The following IL17F variants were observed in gnomAD, a reference collection of about 807,000 sequenced individuals.
IL17F encodes the protein interleukin 17F, also known as interleukin-17F.
In IL17F, 6 loss-of-function variants were observed where a neutral mutation model predicts 8.3. The ratio of observed to expected loss-of-function variants is 0.73; its 90% confidence interval spans 0.40 to 1.43. The LOEUF (loss-of-function observed/expected upper bound fraction) is 1.43. IL17F is among the 40% of genes most tolerant of loss of function. The probability of loss-of-function intolerance (pLI) is 0.02; values close to 1 mark genes in which losing one functional copy is unlikely to be tolerated. For missense variants in IL17F, 204 were observed against 209.6 expected, an observed-to-expected ratio of 0.97 and a Z score of 0.17; for synonymous variants, 98 against 81.6, an observed-to-expected ratio of 1.20 and a Z score of -1.08.
rs530923290 is a variant in IL17F at position 52,239,171 on chromosome 6, C to G, written c.34-221G>C. ...AGCCTAGCTAGTAACTGAAGCCCTC[C>G]ATAGTCTAAAAGCTCCCAAACAGTG... On this transcript the variant is annotated intron_variant, in intron 1 of 2. Coordinates refer to ENST00000336123, the MANE Select transcript of IL17F (RefSeq NM_052872.4). 26 of 555,988 alleles carry G rather than the reference C, an allele frequency of 4.7e-5. No homozygotes were observed. The African/African-American group carries it at 4.7e-4, about 10-fold the overall frequency. 34.4% of individuals were successfully genotyped at this position (555,988 alleles called of 1,614,324 possible). A position where few individuals can be genotyped will look rare whatever the true frequency, so the allele number is the denominator to read the frequency against.
Position 52,236,911 on chromosome 6 carries a change from G to A in IL17F, c.*20C>T, listed in dbSNP as rs1205060112. 15 of 1,589,890 alleles carry A rather than the reference G, an allele frequency of 9.4e-6. No homozygotes were observed. The highest frequency in any genetic ancestry group is 4.5e-5 in the East Asian group (2 of 44,766). On this transcript the variant is annotated 3_prime_UTR_variant, in exon 3 of 3. Coordinates refer to ENST00000336123, the MANE Select transcript of IL17F (RefSeq NM_052872.4). ...GAGTGGCATTTCTACAGCTTCTTCA[G>A]CTGAGTGGATATGCACCTCTTACTG...
At chr6:52,241,498 C>G (rs1162711902) in intron 1 of IL17F, among the ~76,000 whole-genome samples, 1 of 152,150 alleles carries the variant, frequency 6.6e-6, no homozygotes, top group Non-Finnish European at 1.5e-5. Flanking sequence ...TTTTCTCTTT[C>G]CTCTTCTGTG....
At chr6:52,239,504 C>A (rs1355470097) in intron 1 of IL17F, among the ~76,000 whole-genome samples, 1 of 152,182 alleles carries the variant, frequency 6.6e-6, no homozygotes, top group East Asian at 1.9e-4. Context: ...CAAAATCCTA[C>A]CCTTCCATTA....
intron 1 of IL17F, among the ~76,000 whole-genome samples, chr6:52,243,350 C>G (rs559561152): frequency 1.3e-5 from 2 of 152,160 alleles, no homozygotes; most frequent in Non-Finnish European, 2.9e-5. Context: ...GATTCCAGAC[C>G]TGCTGGGGCT....
At chr6:52,240,879 T>C (rs1764062529) in intron 1 of IL17F, among the ~76,000 whole-genome samples, 1 of 135,478 alleles carries the variant, frequency 7.4e-6, no homozygotes, top group African/African-American at 3.3e-5. Context: ...GATGACTCTG[T>C]TTCCTCAAAA....
chr6:52,244,205 T>G (rs575935920), intron 1 of IL17F, among the ~76,000 whole-genome samples, 192 bp downstream of exon 1: 153 of 152,322 alleles, frequency 1.0e-3, no homozygotes, highest in African/African-American at 3.6e-3. Context: ...AGGAGCTGCA[T>G]TTTTATGCCA....
In IL17F at chr6:52,244,085, G is replaced by A. The variant is rs372998822; in HGVS notation, c.33+312C>T. 9.2e-5 allele frequency among the ~76,000 whole-genome samples: 14 copies of A among 151,974 alleles called. No individual in the cohort carries two copies. The East Asian group carries it at 1.6e-3, about 17-fold the overall frequency. Reference sequence around the variant, plus strand: ...AATTTCTGTATTTTTAGTAGAGACCGGGTTTCGCTATGTTGGTCAGGCTGG... The same window carrying A: ...AATTTCTGTATTTTTAGTAGAGACCAGGTTTCGCTATGTTGGTCAGGCTGG... On this transcript the variant is annotated intron_variant, in intron 1 of 2. Transcript: ENST00000336123.
At chr6:52,239,208 T>C (rs1764025671) in intron 1 of IL17F, 1 of 484,620 alleles carries the variant, frequency 2.1e-6, no homozygotes, top group South Asian at 2.2e-5. Context: ...GACAGAAAGA[T>C]GCAAGGGTCT....
At chr6:52,242,702 A>G (rs1387648090) in intron 1 of IL17F, among the ~76,000 whole-genome samples, 2 of 152,242 alleles carry the variant, frequency 1.3e-5, no homozygotes, top group Non-Finnish European at 2.9e-5. Flanking sequence ...AAATAGCTTA[A>G]TTGAGCTTTT....
intron 1 of IL17F, among the ~76,000 whole-genome samples, chr6:52,243,159 C>T (rs777956783): frequency 6.6e-6 from 1 of 152,136 alleles, no homozygotes; most frequent in Non-Finnish European, 1.5e-5. Flanking sequence ...ATAAAACATA[C>T]CATTGCTATA....
At chr6:52,239,933 C>T (rs1293646807) in intron 1 of IL17F, among the ~76,000 whole-genome samples, 1 of 152,012 alleles carries the variant, frequency 6.6e-6, no homozygotes, top group African/African-American at 2.4e-5. Context: ...AGCTCTGGAG[C>T]ATTTTTTTTA....
At chr6:52,237,477 A>G (rs1763985518) in intron 2 of IL17F, among the ~76,000 whole-genome samples, 1 of 152,214 alleles carries the variant, frequency 6.6e-6, no homozygotes. Context: ...TTCAATTAAC[A>G]TTAGATCTTT....
Position 52,243,382 on chromosome 6 carries a change from C to T in IL17F, c.33+1015G>A, listed in dbSNP as rs546871318. Among the ~76,000 whole-genome samples the T allele has an allele frequency of 6.6e-5, 10 of 152,268 alleles. No individual in the cohort carries two copies. The South Asian group carries it at 1.9e-3, about 28-fold the overall frequency. On this transcript the variant is annotated intron_variant, in intron 1 of 2. Coordinates refer to ENST00000336123, the MANE Select transcript of IL17F (RefSeq NM_052872.4). ...GGCTAGATTTTCATTGCATTAACAT[C>T]TCTCTTTCCTCCAAGAAGAATGAGA...
chr6:52,242,255 A>T (rs1764087747), intron 1 of IL17F, among the ~76,000 whole-genome samples: 1 of 152,228 alleles, frequency 6.6e-6, no homozygotes, highest in African/African-American at 2.4e-5. Flanking sequence ...GTAACAGGAC[A>T]ACAACCTTCT....
At chr6:52,238,987 C>G (rs766745036) in intron 1 of IL17F, 37 bp from the exon 2 acceptor site, 15 of 1,561,334 alleles carry the variant, frequency 9.6e-6, no homozygotes, top group Non-Finnish European at 9.7e-6. Flanking sequence ...GTTAGAGACT[C>G]GCCTCACCTA....
chr6:52,236,765 A>T lies in IL17F; in HGVS notation c.*166T>A. 1 of 690,198 alleles carries T rather than the reference A, an allele frequency of 1.4e-6. No individual in the cohort carries two copies. Among genetic ancestry groups the T allele is most frequent in the Non-Finnish European group, 2.6e-6 (1 of 379,098 alleles). The allele number at this position is 690,198 out of a possible 1,614,324, so 42.8% of individuals were successfully genotyped here. On this transcript the variant is annotated 3_prime_UTR_variant, in exon 3 of 3. Transcript: ENST00000336123. ...ATTTTAGATATCAAATATAAAGTGTAGTACATACACACATACATTGTGAAT... is the reference window on the plus strand; with the variant it reads ...ATTTTAGATATCAAATATAAAGTGTTGTACATACACACATACATTGTGAAT...
chr6:52,242,671 C>G (rs1764094597), intron 1 of IL17F, among the ~76,000 whole-genome samples: 1 of 152,228 alleles, frequency 6.6e-6, no homozygotes, highest in South Asian at 2.1e-4. Context: ...CTTGTGCTTA[C>G]AGTATCCAGC....
chr6:52,239,609 A>G (rs1764034577), intron 1 of IL17F, among the ~76,000 whole-genome samples: 1 of 152,186 alleles, frequency 6.6e-6, no homozygotes, highest in African/African-American at 2.4e-5. Flanking sequence ...AGCTTTGATC[A>G]TCTAGCACTC....
chr6:52,237,006 A>G lies in IL17F; in HGVS notation c.417T>C (p.Val139=), dbSNP rs1422473198. The G allele has an allele frequency of 1.9e-6, 3 of 1,614,190 alleles. No homozygotes were observed. In the East Asian group the frequency reaches 6.7e-5, roughly 36 times the overall value. The change falls in exon 3 of 3, where the codon GTT becomes GTC. Residue 139 remains valine (V), a synonymous_variant. Transcript: ENST00000336123. ...CCAGCACCTTCTCCAACTGGAAAGA[A>G]ACAGAGCAGCCTTGGTGCTTCCTCC... ...VVRRKHQGCS[V]SFQLEKVLVT...
Sources: allele counts gnomAD v4.1 joint callset (sites outside exome capture counted in the v4.1 genomes callset), GRCh38; gene constraint gnomAD v4.1.1; transcripts MANE v1.5; gene names NCBI Gene and HGNC (gene_info 2026-07-23, HGNC 2026-07-21).